GPR158: variants seen among roughly 807,000 people sequenced by gnomAD.
The protein encoded by GPR158 is G protein-coupled receptor 158.
GPR158 carries 30 observed loss-of-function variants against 78.2 expected under a neutral mutation model. The observed-to-expected ratio is 0.38, with a 90% CI of 0.29 to 0.52. GPR158 has a LOEUF of 0.52. GPR158 is among the 20% of genes least tolerant of loss of function. The pLI is 0.83. For missense variants in GPR158, 1,463 were observed against 1,523.5 expected, an observed-to-expected ratio of 0.96 and a Z score of 0.66; for synonymous variants, 581 against 591.1, an observed-to-expected ratio of 0.98 and a Z score of 0.25.
chr10:25,598,975 A>C lies in GPR158; in HGVS notation c.3349A>C (p.Ser1117Arg), dbSNP rs1837454383. 4.3e-6 allele frequency: 7 copies of C among 1,613,894 alleles called. No individual in the cohort carries two copies. The highest frequency in any genetic ancestry group is 4.2e-6 in the Non-Finnish European group (5 of 1,179,930). Residue 1117 changes from serine (S) to arginine (R), a missense_variant, in exon 11 of 11, where the codon AGC becomes CGC. Coordinates refer to ENST00000376351, the MANE Select transcript of GPR158 (RefSeq NM_020752.3). ...PRAANVCAGQSEELPPKAVAS... is the reference protein window; with the variant it reads ...PRAANVCAGQREELPPKAVAS... The stretch of plus-strand genomic sequence containing the variant: ...TGCAGCCAATGTGTGTGCTGGGCAG[A>C]GCGAAGAACTGCCCCCCAAAGCTGT...
chr10:25,542,160 C>G (rs1237492013), intron 5 of GPR158, among the ~76,000 whole-genome samples: 6 of 152,088 alleles, frequency 3.9e-5, no homozygotes, highest in Admixed American at 2.0e-4. Flanking sequence ...TTCTCACACT[C>G]TCTACTAACA....
Position 25,571,150 on chromosome 10 carries a change from T to C in GPR158, c.1515-1499T>C, listed in dbSNP as rs185773727. On this transcript the variant is annotated intron_variant, in intron 6 of 10. Transcript: ENST00000376351. ...ACTATGACATGGATGGCACTTAATA[T>C]ATTGCATATACAGAATGGAGAGTAA... Among the ~76,000 whole-genome samples the C allele has an allele frequency of 4.0e-3, 614 of 152,264 alleles. 3 individuals are homozygous for C. Among genetic ancestry groups the C allele is most frequent in the Non-Finnish European group, 6.6e-3 (448 of 67,996 alleles).
chr10:25,289,308 T>C (rs1854399564), intron 2 of GPR158, among the ~76,000 whole-genome samples: 1 of 152,178 alleles, frequency 6.6e-6, no homozygotes, highest in Non-Finnish European at 1.5e-5. Context: ...TAAAATGTAT[T>C]AAAGTTTAAT....
At chr10:25,577,962 T>C (rs1837127803) in intron 7 of GPR158, among the ~76,000 whole-genome samples, 1 of 152,226 alleles carries the variant, frequency 6.6e-6, no homozygotes, top group South Asian at 2.1e-4. Flanking sequence ...CAGTTTTTCT[T>C]AACAAATGAC....
chr10:25,523,215 C>G (rs979602120), intron 5 of GPR158, among the ~76,000 whole-genome samples: 7 of 152,298 alleles, frequency 4.6e-5, no homozygotes, highest in African/African-American at 1.7e-4. Flanking sequence ...AGTGGGAGCC[C>G]TGAACAAAAG....
At chr10:25,407,931 CCCTAAT>C (rs1834536093) in intron 3 of GPR158, among the ~76,000 whole-genome samples, 1 of 152,146 alleles carries the variant, frequency 6.6e-6, no homozygotes, top group South Asian at 2.1e-4. Flanking sequence ...CTAACCCTAA[CCCTAAT>C]CCTGCAAAAA....
intron 2 of GPR158, among the ~76,000 whole-genome samples, chr10:25,238,857 C>A (rs1853565790): frequency 6.6e-6 from 1 of 152,168 alleles, no homozygotes; most frequent in African/African-American, 2.4e-5. Context: ...TGTTCAATTG[C>A]TGCACATATT....
chr10:25,185,283 TG>T (rs1487184482), intron 1 of GPR158, among the ~76,000 whole-genome samples: 4 of 152,242 alleles, frequency 2.6e-5, no homozygotes, highest in Non-Finnish European at 4.4e-5. Flanking sequence ...TATAGGCATT[TG>T]TCAGATTACA....
Position 25,596,668 on chromosome 10 carries a change from G to A in GPR158, c.2024G>A (p.Arg675Gln), listed in dbSNP as rs367760867. 119 of 1,613,088 alleles carry A rather than the reference G, an allele frequency of 7.4e-5. No homozygotes were observed. The highest frequency in any genetic ancestry group is 9.2e-5 in the Non-Finnish European group (108 of 1,179,422). ...PKFSHSSNNP[R>Q]DDIATEAYED... ...TTTTCACATTCAAGCAATAACCCACGAGATGATATTGCTACAGAAGCATAT... is the reference window on the plus strand; with the variant it reads ...TTTTCACATTCAAGCAATAACCCACAAGATGATATTGCTACAGAAGCATAT... The change falls in exon 10 of 11, where the codon CGA becomes CAA. Residue 675 changes from arginine to glutamine, a missense_variant. Arg to Gln is a conservative substitution (Grantham distance 43). Transcript: ENST00000376351.
chr10:25,379,085 C>G lies in GPR158; in HGVS notation c.1009-16826C>G, dbSNP rs896549182. 2.0e-5 allele frequency among the ~76,000 whole-genome samples: 3 copies of G among 152,032 alleles called. No homozygotes were observed. In the South Asian group the frequency reaches 6.2e-4, roughly 32 times the overall value. On this transcript the variant is annotated intron_variant, in intron 2 of 10. Transcript: ENST00000376351. ...GGATTACAGGCATGAGCCACTGTGC[C>G]CAACCCCACCTGCCTTTTATATTGC...
At chr10:25,424,597 C>T (rs955698404) in intron 4 of GPR158, among the ~76,000 whole-genome samples, 3 of 151,876 alleles carry the variant, frequency 2.0e-5, no homozygotes, top group Admixed American at 6.6e-5. Flanking sequence ...CAGCTTTCTA[C>T]ATATGGCTAG....
chr10:25,333,182 A>G (rs747588588), intron 2 of GPR158, among the ~76,000 whole-genome samples: 9 of 152,080 alleles, frequency 5.9e-5, no homozygotes, highest in African/African-American at 9.7e-5. Context: ...TGACTTTTTC[A>G]TTTCCTGGAA....
chr10:25,383,190 T>TA (rs1423870737), intron 2 of GPR158, among the ~76,000 whole-genome samples: 1 of 152,104 alleles, frequency 6.6e-6, no homozygotes, highest in African/African-American at 2.4e-5. Flanking sequence ...AAAGAAGGAG[T>TA]AAAAAAATAT....
chr10:25,210,663 T>C (rs775915594), intron 1 of GPR158, among the ~76,000 whole-genome samples: 3 of 152,218 alleles, frequency 2.0e-5, no homozygotes, highest in Non-Finnish European at 4.4e-5. Flanking sequence ...TTGGGTTTAC[T>C]TTTTTTGTAA....
chr10:25,232,408 G>A (rs1030632731), intron 2 of GPR158, among the ~76,000 whole-genome samples: 4 of 152,186 alleles, frequency 2.6e-5, no homozygotes, highest in Non-Finnish European at 5.9e-5. Flanking sequence ...TGAGGCTACG[G>A]ATGCTTGGCA....
At chr10:25,354,654 G>A (rs1324157134) in intron 2 of GPR158, among the ~76,000 whole-genome samples, 2 of 151,902 alleles carry the variant, frequency 1.3e-5, no homozygotes, top group African/African-American at 4.8e-5. Flanking sequence ...TTTGCCAGTG[G>A]GTTTTATACC....
At chr10:25,451,307 A>T (rs1379310513) in intron 4 of GPR158, among the ~76,000 whole-genome samples, 1 of 152,224 alleles carries the variant, frequency 6.6e-6, no homozygotes, top group East Asian at 1.9e-4. Context: ...CCCACTTCTT[A>T]GCATTTTAAT....
chr10:25,322,869 T>A (rs1042184537), intron 2 of GPR158, among the ~76,000 whole-genome samples: 2 of 151,984 alleles, frequency 1.3e-5, no homozygotes, highest in African/African-American at 4.8e-5. Context: ...TGTTTTGAGA[T>A]GGAGTCTCGC....
At chr10:25,185,256 G>A (rs768350378) in intron 1 of GPR158, among the ~76,000 whole-genome samples, 6 of 152,090 alleles carry the variant, frequency 3.9e-5, no homozygotes, top group African/African-American at 7.2e-5. Flanking sequence ...ATCTGTGTGT[G>A]CATATATTTA....
Sources: allele counts gnomAD v4.1 joint callset (sites outside exome capture counted in the v4.1 genomes callset), GRCh38; gene constraint gnomAD v4.1.1; transcripts MANE v1.5; gene names NCBI Gene and HGNC (gene_info 2026-07-23, HGNC 2026-07-21).